The following DYM variants were observed in gnomAD, a reference collection of about 807,000 sequenced individuals.
DYM encodes dyggve-Melchior-Clausen syndrome protein.
DYM carries 78 observed loss-of-function variants against 93.1 expected under a neutral mutation model. The observed-to-expected ratio is 0.84, with a 90% CI of 0.70 to 1.01. The LOEUF (loss-of-function observed/expected upper bound fraction) is 1.01, where lower values mean the gene tolerates loss of function less well. Among genes scored for constraint, DYM ranks in the 50% least tolerant of loss-of-function variants. The probability of loss-of-function intolerance (pLI) is 0.00; values close to 1 mark genes in which losing one functional copy is unlikely to be tolerated. For synonymous variants in DYM, 321 were observed against 319.7 expected (o/e 1.00, Z -0.04); for missense variants, 789 against 845.0 (o/e 0.93, Z 0.82).
At chr18:49,113,469 T>C (rs138893015) in intron 16 of DYM, among the ~76,000 whole-genome samples, 17 of 152,288 alleles carry the variant, frequency 1.1e-4, no homozygotes, top group African/African-American at 4.1e-4. Context: ...TCTATCTAAT[T>C]CCTTCTGCAG....
At chr18:49,231,214 T>C (rs2093684809) in intron 13 of DYM, among the ~76,000 whole-genome samples, 1 of 152,186 alleles carries the variant, frequency 6.6e-6, no homozygotes, top group South Asian at 2.1e-4. Context: ...TTTAAAGCAA[T>C]GGAACCCTTT....
Position 49,118,841 on chromosome 18 carries a change from T to C in DYM, c.1814A>G (p.Asn605Ser), listed in dbSNP as rs1206135383. ...AAGCAGGGCGTATACCAAGTTTGGG[T>C]TGTGGTGAAGGGAATTTGTCAGGCA... ...NSCLTNSLHH[N>S]PNLVYALLYK... Residue 605 changes from asparagine to serine, a missense_variant, in exon 16 of 18, where the codon AAC becomes AGC. By Grantham distance (46) the Asn-to-Ser change is conservative. Around this residue, in one of 3 missense-constraint regions of DYM, gnomAD observed 225 missense variants for 303.0 expected, o/e 0.74. Transcript: ENST00000675505. 6.2e-7 allele frequency: 1 copy of C among 1,614,000 alleles called. No homozygotes were observed. The highest frequency in any genetic ancestry group is 1.1e-5 in the South Asian group (1 of 91,066).
intron 14 of DYM, among the ~76,000 whole-genome samples, chr18:49,188,349 G>C (rs1404047973): frequency 6.6e-6 from 1 of 152,194 alleles, no homozygotes; most frequent in Non-Finnish European, 1.5e-5. Flanking sequence ...ATCACAGCTA[G>C]ACAATGTAGC....
At chr18:49,437,568 A>G (rs1420011034) in intron 1 of DYM, among the ~76,000 whole-genome samples, 1 of 152,212 alleles carries the variant, frequency 6.6e-6, no homozygotes, top group African/African-American at 2.4e-5. Context: ...GTATGAGTAG[A>G]CAGATATGAT....
chr18:49,179,072 T>C (rs907568324), intron 14 of DYM, among the ~76,000 whole-genome samples: 4 of 152,150 alleles, frequency 2.6e-5, no homozygotes, highest in East Asian at 3.9e-4. Flanking sequence ...TCTTTGAGTG[T>C]TGATGAAAAA....
intron 13 of DYM, among the ~76,000 whole-genome samples, chr18:49,210,969 C>G (rs1474583516): frequency 6.6e-6 from 1 of 152,126 alleles, no homozygotes; most frequent in Non-Finnish European, 1.5e-5. Context: ...AATACTTTTT[C>G]TTCACGGTAT....
intron 11 of DYM, among the ~76,000 whole-genome samples, chr18:49,268,825 G>T (rs2094618591): frequency 6.6e-6 from 1 of 152,074 alleles, no homozygotes; most frequent in African/African-American, 2.4e-5. Flanking sequence ...TAAAAGAAAA[G>T]TCATGTTTAA....
chr18:49,224,483 T>C (rs1445805121), intron 13 of DYM, among the ~76,000 whole-genome samples: 1 of 151,946 alleles, frequency 6.6e-6, no homozygotes, highest in Non-Finnish European at 1.5e-5. Flanking sequence ...CCCCCACAAA[T>C]GTATATGTTG....
intron 14 of DYM, among the ~76,000 whole-genome samples, chr18:49,202,003 T>A (rs1020312593): frequency 7.9e-5 from 12 of 152,318 alleles, no homozygotes; most frequent in African/African-American, 2.9e-4. Context: ...AACTCTCTAT[T>A]GTATGGCAGA....
intron 2 of DYM, among the ~76,000 whole-genome samples, chr18:49,423,498 A>C (rs1425029368): frequency 6.6e-6 from 1 of 152,242 alleles, no homozygotes; most frequent in African/African-American, 2.4e-5. Flanking sequence ...GAGAAGCAAG[A>C]GCAAACACTT....
chr18:49,196,281 C>T (rs982332594), intron 14 of DYM, among the ~76,000 whole-genome samples: 4 of 152,166 alleles, frequency 2.6e-5, no homozygotes, highest in South Asian at 2.1e-4. Context: ...TCACACTTTA[C>T]TGCTTCTCTA....
Position 49,043,933 on chromosome 18 carries a change from G to C in DYM, c.*122C>G. ...CAAAGTGTGTGAGGAAAACACACTC[G>C]TGCAATCCTCTTTAACAGAAGATAC... On this transcript the variant is annotated 3_prime_UTR_variant, in exon 18 of 18. Coordinates refer to ENST00000675505, the MANE Select transcript of DYM (RefSeq NM_001353214.3). 8.3e-7 allele frequency: 1 copy of C among 1,203,702 alleles called. No homozygotes were observed. Among genetic ancestry groups the C allele is most frequent in the Non-Finnish European group, 1.2e-6 (1 of 842,024 alleles). 74.6% of individuals were successfully genotyped at this position (1,203,702 alleles called of 1,614,324 possible). A position where few individuals can be genotyped will look rare whatever the true frequency, so the allele number is the denominator to read the frequency against.
intron 13 of DYM, among the ~76,000 whole-genome samples, chr18:49,224,809 G>C (rs376985366): frequency 2.0e-5 from 3 of 151,958 alleles, no homozygotes; most frequent in African/African-American, 7.3e-5. Context: ...ATAGCAACCC[G>C]AACTAAGACA....
intron 13 of DYM, among the ~76,000 whole-genome samples, chr18:49,242,549 C>T (rs2094043212): frequency 1.3e-5 from 2 of 152,192 alleles, no homozygotes; most frequent in South Asian, 4.1e-4. Flanking sequence ...GCTTGACACA[C>T]AGCCTCTAGA....
intron 14 of DYM, among the ~76,000 whole-genome samples, chr18:49,182,872 T>C (rs1162460004): frequency 1.3e-5 from 2 of 152,242 alleles, no homozygotes; most frequent in Admixed American, 1.3e-4. Context: ...CCCTGTTCTA[T>C]ATACTGTGTC....
chr18:49,193,179 T>A (rs1488999984), intron 14 of DYM, among the ~76,000 whole-genome samples: 1 of 151,894 alleles, frequency 6.6e-6, no homozygotes, highest in Non-Finnish European at 1.5e-5. Flanking sequence ...CTGTAATTTG[T>A]CAATATATAA....
chr18:49,302,979 T>G (rs985434853), intron 8 of DYM, among the ~76,000 whole-genome samples: 16 of 152,232 alleles, frequency 1.1e-4, no homozygotes, highest in Non-Finnish European at 2.2e-4. Flanking sequence ...ATCTATTTGT[T>G]CTAGAGAATA....
intron 2 of DYM, among the ~76,000 whole-genome samples, chr18:49,402,691 T>C (rs1211531269): frequency 6.6e-6 from 1 of 152,212 alleles, no homozygotes; most frequent in Admixed American, 6.5e-5. Flanking sequence ...GGAACGTCTC[T>C]GCACCCACTG....
intron 13 of DYM, among the ~76,000 whole-genome samples, chr18:49,247,966 A>C (rs2094206398): frequency 6.6e-6 from 1 of 152,236 alleles, no homozygotes. Flanking sequence ...CAGATTTTCA[A>C]GACAAACATT....
Sources: gnomAD v4.1 joint callset for allele counts (sites outside exome capture counted in the v4.1 genomes callset) on GRCh38, gnomAD v4.1.1 for gene constraint, gnomAD v4.1.1 regional missense constraint, MANE v1.5 for transcripts, NCBI Gene and HGNC (gene_info 2026-07-23, HGNC 2026-07-21) for gene names.